Variants in CAPN13 observed in about 807,000 individuals in gnomAD.
CAPN13 encodes calpain 13.
A neutral mutation model predicts 98.4 loss-of-function variants in CAPN13; 90 were observed. That is an observed-to-expected ratio of 0.92 (90% CI 0.77 to 1.09). CAPN13 has a LOEUF of 1.09. Ranked by LOEUF, CAPN13 falls within the 50% of genes least tolerant of loss-of-function variation. The pLI is 0.00. For synonymous variants in CAPN13, 330 were observed against 305.5 expected (o/e 1.08, Z -0.84); for missense variants, 887 against 841.3 (o/e 1.05, Z -0.67).
chr2:30,737,163 C>T (rs1341055852), intron 17 of CAPN13: 1 of 152,914 alleles, frequency 6.5e-6, no homozygotes, highest in Non-Finnish European at 1.5e-5. Flanking sequence ...GTTACTCACC[C>T]CGGGCCGTGG....
chr2:30,745,741 G>A lies in CAPN13; in HGVS notation c.1237-7C>T, dbSNP rs1199404596. The A allele has an allele frequency of 3.1e-6, 5 of 1,595,154 alleles. No homozygotes were observed. Among genetic ancestry groups the A allele is most frequent in the Non-Finnish European group, 4.2e-6 (5 of 1,178,322 alleles). On this transcript the variant is annotated splice_region_variant and splice_polypyrimidine_tract_variant and intron_variant, in intron 11 of 22. Transcript: ENST00000295055. ...GCCATACCTGTGAGCCAGCCTGTTG[G>A]AAACAGGGAGAAAGGCAGATTTAGG...
At chr2:30,735,981 T>C (rs1316317076) in intron 18 of CAPN13, among the ~76,000 whole-genome samples, 1 of 152,044 alleles carries the variant, frequency 6.6e-6, no homozygotes, top group Non-Finnish European at 1.5e-5. Flanking sequence ...GAATCTCCTT[T>C]AGACTTGTAT....
At chr2:30,723,873 A>G (rs1275390165) in intron 22 of CAPN13, among the ~76,000 whole-genome samples, 2 of 152,136 alleles carry the variant, frequency 1.3e-5, no homozygotes, top group African/African-American at 2.4e-5. Context: ...ATGAAAACTC[A>G]GTCCAAGATA....
intron 14 of CAPN13, 26 bp downstream of exon 14, chr2:30,742,299 GC>G (rs1301618302): frequency 3.8e-6 from 6 of 1,593,898 alleles, no homozygotes; most frequent in Non-Finnish European, 5.1e-6. Flanking sequence ...AATGAGGCTC[GC>G]CAGCCAAACC....
chr2:30,732,433 C>A lies in CAPN13; in HGVS notation c.1927+5G>T, dbSNP rs1553402106. ...GTCTCTGGGATGCCCCTTGGGGACA[C>A]TTACTTGCCATGGCTTCAAGCCGCA... On this transcript the variant is annotated splice_donor_5th_base_variant and intron_variant, in intron 20 of 22. Coordinates refer to ENST00000295055, the MANE Select transcript of CAPN13 (RefSeq NM_144575.3). 2 of 1,613,238 alleles carry A rather than the reference C, an allele frequency of 1.2e-6. No individual in the cohort carries two copies. Among genetic ancestry groups the A allele is most frequent in the South Asian group, 2.2e-5 (2 of 91,036 alleles).
intron 12 of CAPN13, among the ~76,000 whole-genome samples, chr2:30,744,368 G>A (rs1671805984): frequency 6.6e-6 from 1 of 152,222 alleles, no homozygotes; most frequent in South Asian, 2.1e-4. Flanking sequence ...GGGTATGGGA[G>A]GGTGGCATCT....
chr2:30,771,606 G>A (rs933199831), intron 4 of CAPN13, among the ~76,000 whole-genome samples: 3 of 152,202 alleles, frequency 2.0e-5, no homozygotes, highest in Admixed American at 6.5e-5. Context: ...TTTTAGGAGG[G>A]TGATTACAAA....
At chr2:30,742,225 A>C (rs1671697400) in intron 14 of CAPN13, 101 bp downstream of exon 14, 6 of 1,378,950 alleles carry the variant, frequency 4.4e-6, no homozygotes, top group African/African-American at 1.4e-5. Flanking sequence ...CTCTCTTTTC[A>C]TTGGTTGGGG....
intron 1 of CAPN13, among the ~76,000 whole-genome samples, chr2:30,795,686 T>C (rs1222657202): frequency 6.6e-6 from 1 of 152,134 alleles, no homozygotes; most frequent in Non-Finnish European, 1.5e-5. Flanking sequence ...GTAAATATCT[T>C]CTCCCAGTTT....
chr2:30,743,520 G>A lies in CAPN13; in HGVS notation c.1308C>T (p.Ser436=), dbSNP rs1671758192. 6 of 1,613,906 alleles carry A rather than the reference G, an allele frequency of 3.7e-6. No homozygotes were observed. Among genetic ancestry groups the A allele is most frequent in the African/African-American group, 1.3e-5 (1 of 74,994 alleles). ...AGTTGCGGCGGAATTTATTATTTGA[G>A]CTTTGGACAGTGTTTCTGAACGAGG... The part of the protein sequence containing the change: ...FFSSFRNTVQ[S]SNNKFRRNFT... The change falls in exon 13 of 23, where the codon AGC becomes AGT. Residue 436 remains serine (S), a synonymous_variant. Coordinates refer to ENST00000295055, the MANE Select transcript of CAPN13 (RefSeq NM_144575.3).
intron 12 of CAPN13, among the ~76,000 whole-genome samples, chr2:30,744,518 G>A (rs1011711832): frequency 6.6e-6 from 1 of 152,192 alleles, no homozygotes; most frequent in African/African-American, 2.4e-5. Flanking sequence ...GGGTATGGGC[G>A]AGTGTGCATG....
At position 30,753,179 on chromosome 2, in the gene CAPN13, G is replaced by A. The variant is rs1672266239; in HGVS notation, c.961C>T (p.Gln321Ter). The change falls in exon 10 of 23, where the codon CAA (glutamine) becomes TAA (stop). Residue 321 changes from glutamine to a stop codon, truncating the protein, a stop_gained. Transcript: ENST00000295055. LOFTEE classifies it high-confidence loss of function. ...ATAAACATGGCGATGAATTTCTGTT[G>A]GAAATCTTGACACGACATCCTGTTA... is the stretch of plus-strand genomic sequence containing the variant. ...GEFWMSCQDFQQKFIAMFICS... is the reference protein window; with the variant it reads ...GEFWMSCQDF 6.2e-7 allele frequency: 1 copy of A among 1,613,872 alleles called. No individual in the cohort carries two copies. Among genetic ancestry groups the A allele is most frequent in the Non-Finnish European group, 8.5e-7 (1 of 1,179,886 alleles).
At chr2:30,804,583 TCAA>T (rs1474931828) in intron 1 of CAPN13, among the ~76,000 whole-genome samples, 2 of 152,176 alleles carry the variant, frequency 1.3e-5, no homozygotes, top group Non-Finnish European at 1.5e-5. Context: ...ATGCTTTATA[TCAA>T]GGAGCCCCCA....
chr2:30,759,268 C>T (rs1217530683), intron 7 of CAPN13, among the ~76,000 whole-genome samples: 2 of 151,562 alleles, frequency 1.3e-5, no homozygotes, highest in Admixed American at 6.6e-5. Context: ...TCTTCCTGCC[C>T]CCTGTCTGGG....
chr2:30,784,320 G>T (rs1572867719), intron 2 of CAPN13, among the ~76,000 whole-genome samples: 1 of 152,286 alleles, frequency 6.6e-6, no homozygotes, highest in East Asian at 1.9e-4. Context: ...GAGATGGCTG[G>T]ACTGTGAAAA....
chr2:30,795,310 C>A (rs182586195), intron 1 of CAPN13, among the ~76,000 whole-genome samples: 8 of 152,040 alleles, frequency 5.3e-5, no homozygotes, highest in Admixed American at 1.3e-4. Context: ...GTTTAGGAAA[C>A]GCACATACTC....
chr2:30,763,395 C>T (rs1338394890), intron 6 of CAPN13, among the ~76,000 whole-genome samples: 1 of 152,178 alleles, frequency 6.6e-6, no homozygotes, highest in Non-Finnish European at 1.5e-5. Flanking sequence ...CGTGGAGTCC[C>T]GAGGGCCTGG....
intron 11 of CAPN13, among the ~76,000 whole-genome samples, chr2:30,748,671 T>G (rs890258767): frequency 5.3e-5 from 8 of 152,020 alleles, no homozygotes; most frequent in African/African-American, 1.9e-4. Flanking sequence ...CTGCTTGCAG[T>G]AGGAGGCTGG....
intron 15 of CAPN13, among the ~76,000 whole-genome samples, chr2:30,739,564 G>A (rs936984705): frequency 3.3e-5 from 5 of 152,146 alleles, no homozygotes; most frequent in African/African-American, 2.4e-5. Context: ...TATCAGGAAA[G>A]TTAGTGTTGA....
Sources: gnomAD v4.1 joint callset for allele counts (sites outside exome capture counted in the v4.1 genomes callset) on GRCh38, gnomAD v4.1.1 for gene constraint, MANE v1.5 for transcripts, NCBI Gene and HGNC (gene_info 2026-07-23, HGNC 2026-07-21) for gene names.